Variants in GPC5 observed in about 807,000 individuals in gnomAD.
The protein encoded by GPC5 is glypican-5.
GPC5 carries 47 observed loss-of-function variants against 53.9 expected under a neutral mutation model. That is an observed-to-expected ratio of 0.87 (90% CI 0.69 to 1.11). The LOEUF (loss-of-function observed/expected upper bound fraction) is 1.11. GPC5 is among the 50% of genes most tolerant of loss of function. The pLI is 0.00. For synonymous variants in GPC5, 286 were observed against 263.3 expected (o/e 1.09, Z -0.84); for missense variants, 748 against 713.1 (o/e 1.05, Z -0.56).
At chr13:91,971,038 A>G (rs1240125345) in intron 6 of GPC5, among the ~76,000 whole-genome samples, 1 of 152,200 alleles carries the variant, frequency 6.6e-6, no homozygotes, top group African/African-American at 2.4e-5. Context: ...TTCAGAAGGA[A>G]TGGTACCAGC....
chr13:92,476,204 AC>A (rs1344068195), intron 7 of GPC5, among the ~76,000 whole-genome samples: 9 of 152,246 alleles, frequency 5.9e-5, no homozygotes, highest in Middle Eastern at 6.8e-3. Context: ...CAAGAAAAAA[AC>A]AAACAACCCC....
rs370154648 is a variant in GPC5 at position 91,498,923 on chromosome 13, A to G, written c.325+50001A>G. Among the ~76,000 whole-genome samples the G allele has an allele frequency of 2.7e-4, 41 of 152,094 alleles. No homozygotes were observed. In the East Asian group the frequency reaches 5.4e-3, roughly 20 times the overall value. On this transcript the variant is annotated intron_variant, in intron 2 of 7. Transcript: ENST00000377067. ...GAGGCAGAGGTTGCAGTGAGCGAAGATCTTACCACTGCACTCCAGCCTGGG... is the reference window on the plus strand; with the variant it reads ...GAGGCAGAGGTTGCAGTGAGCGAAGGTCTTACCACTGCACTCCAGCCTGGG...
At chr13:91,448,963 T>C in intron 2 of GPC5, 41 bp downstream of exon 2, 1 of 1,592,040 alleles carries the variant, frequency 6.3e-7, no homozygotes, top group Non-Finnish European at 8.6e-7. Context: ...ACTGGCCGTG[T>C]TATGTAATTT....
chr13:92,256,984 C>T (rs1364336456), intron 7 of GPC5, among the ~76,000 whole-genome samples: 1 of 152,006 alleles, frequency 6.6e-6, no homozygotes, highest in Non-Finnish European at 1.5e-5. Context: ...CAGCCACTGG[C>T]ATCCACCATG....
At chr13:92,344,450 A>G (rs1482026015) in intron 7 of GPC5, among the ~76,000 whole-genome samples, 1 of 152,150 alleles carries the variant, frequency 6.6e-6, no homozygotes, top group Non-Finnish European at 1.5e-5. Context: ...GCAGAATTAG[A>G]AGGCCACCCT....
intron 1 of GPC5, among the ~76,000 whole-genome samples, chr13:91,422,775 A>C (rs77117018): frequency 0.036 from 5,462 of 152,290 alleles, 146 homozygotes; most frequent in Middle Eastern, 0.069. Context: ...ACATAACAAG[A>C]GGATTCATGA....
intron 7 of GPC5, among the ~76,000 whole-genome samples, chr13:92,810,527 C>T (rs989699626): frequency 6.6e-6 from 1 of 151,912 alleles, no homozygotes; most frequent in South Asian, 2.1e-4. Context: ...TCACCATCAC[C>T]TCTCTAGTTC....
chr13:91,445,928 C>T (rs1413539805), intron 1 of GPC5, among the ~76,000 whole-genome samples: 1 of 152,170 alleles, frequency 6.6e-6, no homozygotes, highest in Non-Finnish European at 1.5e-5. Context: ...CACTCCTGCT[C>T]ACTATTTTGG....
chr13:91,539,933 G>T (rs1413543999), intron 2 of GPC5, among the ~76,000 whole-genome samples: 1 of 152,016 alleles, frequency 6.6e-6, no homozygotes, highest in Non-Finnish European at 1.5e-5. Context: ...ATGGGGACGT[G>T]TTTGCTTTAA....
At chr13:91,943,728 A>G (rs1342825045) in intron 6 of GPC5, among the ~76,000 whole-genome samples, 1 of 152,138 alleles carries the variant, frequency 6.6e-6, no homozygotes, top group Non-Finnish European at 1.5e-5. Context: ...TTTCCATGTA[A>G]GTTCTTAATG....
intron 7 of GPC5, among the ~76,000 whole-genome samples, chr13:92,692,248 C>T (rs1887422197): frequency 6.6e-6 from 1 of 152,036 alleles, no homozygotes; most frequent in South Asian, 2.1e-4. Context: ...GGTGTACCTA[C>T]ACCACATTTT....
chr13:91,784,179 T>C (rs2037841551), intron 5 of GPC5, among the ~76,000 whole-genome samples: 1 of 152,206 alleles, frequency 6.6e-6, no homozygotes, highest in African/African-American at 2.4e-5. Flanking sequence ...GGATATAAAA[T>C]GGACAATCCT....
At chr13:91,544,722 G>A (rs7999171) in intron 2 of GPC5, among the ~76,000 whole-genome samples, 103,834 of 152,088 alleles carry the variant, frequency 0.68, 36,413 homozygotes, top group East Asian at 0.99. Context: ...CTAGTTATCT[G>A]TTACTGCATA....
intron 7 of GPC5, among the ~76,000 whole-genome samples, chr13:92,706,549 T>C (rs1432922380): frequency 6.6e-6 from 1 of 152,102 alleles, no homozygotes; most frequent in Non-Finnish European, 1.5e-5. Flanking sequence ...TGTCCAAATA[T>C]GATTTTTCGT....
chr13:92,811,531 A>T (rs1877299367), intron 7 of GPC5, among the ~76,000 whole-genome samples: 1 of 151,900 alleles, frequency 6.6e-6, no homozygotes, highest in Non-Finnish European at 1.5e-5. Context: ...ACATTATCAG[A>T]TATTAGATTT....
At chr13:91,616,151 C>T (rs535935474) in intron 2 of GPC5, among the ~76,000 whole-genome samples, 19 of 152,152 alleles carry the variant, frequency 1.2e-4, no homozygotes, top group South Asian at 4.2e-4. Flanking sequence ...AGAGAGTTTA[C>T]GGCCTTTGAA....
chr13:91,923,749 A>G (rs2039740119), intron 6 of GPC5, among the ~76,000 whole-genome samples: 1 of 152,160 alleles, frequency 6.6e-6, no homozygotes, highest in Non-Finnish European at 1.5e-5. Context: ...TTTTTAAATT[A>G]TATATCTGGG....
intron 7 of GPC5, among the ~76,000 whole-genome samples, chr13:92,429,883 A>T (rs1877009134): frequency 6.6e-6 from 1 of 152,110 alleles, no homozygotes; most frequent in Non-Finnish European, 1.5e-5. Flanking sequence ...TTGAGACAGG[A>T]TGAACAAATT....
Position 92,228,494 on chromosome 13 carries a change from C to T in GPC5, c.1561+83505C>T, listed in dbSNP as rs572060879. On this transcript the variant is annotated intron_variant, in intron 7 of 7. Coordinates refer to ENST00000377067, the MANE Select transcript of GPC5 (RefSeq NM_004466.6). ...AATAAAATTAAGAAAAAAAGTTACA[C>T]GAATTATCTAGGAAATACTAAACAT... Among the ~76,000 whole-genome samples, 15 of 151,852 alleles carry T rather than the reference C, an allele frequency of 9.9e-5. No individual in the cohort carries two copies. In the East Asian group the frequency reaches 2.3e-3, roughly 23 times the overall value.
Sources: allele counts gnomAD v4.1 joint callset (sites outside exome capture counted in the v4.1 genomes callset), GRCh38; gene constraint gnomAD v4.1.1; transcripts MANE v1.5; gene names NCBI Gene and HGNC (gene_info 2026-07-23, HGNC 2026-07-21).